LRTM1: variants seen among roughly 807,000 people sequenced by gnomAD.
LRTM1 encodes leucine-rich repeat and transmembrane domain-containing protein 1.
A neutral mutation model predicts 32.4 loss-of-function variants in LRTM1; 38 were observed. That is an observed-to-expected ratio of 1.17 (90% CI 0.91 to 1.54). The LOEUF (loss-of-function observed/expected upper bound fraction) is 1.54, where lower values mean the gene tolerates loss of function less well. Ranked by LOEUF, LRTM1 falls within the 40% of genes most tolerant of loss-of-function variation. LRTM1 has a pLI of 0.00. For missense variants in LRTM1, 466 were observed against 415.4 expected, an observed-to-expected ratio of 1.12 and a Z score of -1.06; for synonymous variants, 186 against 169.9, an observed-to-expected ratio of 1.09 and a Z score of -0.74.
chr3:54,957,983 A>G (rs1247913788), intron 1 of LRTM1, among the ~76,000 whole-genome samples: 1 of 152,142 alleles, frequency 6.6e-6, no homozygotes, highest in Non-Finnish European at 1.5e-5. Context: ...ATGTCTGGAG[A>G]GAGCAAACTC....
rs141675443 is a variant in LRTM1 at position 54,926,985 on chromosome 3, T to G, written c.7+920A>C. Among the ~76,000 whole-genome samples, 10 of 152,336 alleles carry G rather than the reference T, an allele frequency of 6.6e-5. No homozygotes were observed. The East Asian group carries it at 1.4e-3, about 21-fold the overall frequency. On this transcript the variant is annotated intron_variant, in intron 1 of 2. Coordinates refer to ENST00000273286, the MANE Select transcript of LRTM1 (RefSeq NM_020678.4). ...CTTCTTTTTTTTTGAGACTTGAATTTCAAAATATGACAAACATCTGCCAAG... is the reference window on the plus strand; with the variant it reads ...CTTCTTTTTTTTTGAGACTTGAATTGCAAAATATGACAAACATCTGCCAAG...
intron 1 of LRTM1, among the ~76,000 whole-genome samples, chr3:54,935,868 A>G (rs1701316361): frequency 6.6e-6 from 1 of 152,176 alleles, no homozygotes; most frequent in South Asian, 2.1e-4. Context: ...AATGCTCTGG[A>G]AAACAGTTAG....
chr3:54,937,385 T>C (rs1268626098), intron 1 of LRTM1, among the ~76,000 whole-genome samples: 2 of 152,168 alleles, frequency 1.3e-5, no homozygotes, highest in Non-Finnish European at 2.9e-5. Flanking sequence ...ATGAGGGGGA[T>C]TGGTTCCAGC....
rs116885099 is a variant in LRTM1, at chr3:54,937,729, G to T, written c.-221-12514C>A. On this transcript the variant is annotated intron_variant, in intron 1 of 2. Transcript: ENST00000493075. ...CCAGAATTTACCACAGAGAGGGGAA[G>T]AGACGAGGGCCATTCCAGGTAAAGG... Among the ~76,000 whole-genome samples, 29 of 152,266 alleles carry T rather than the reference G, an allele frequency of 1.9e-4. No individual in the cohort carries two copies. In the East Asian group the frequency reaches 5.6e-3, roughly 29 times the overall value.
intron 1 of LRTM1, among the ~76,000 whole-genome samples, chr3:54,941,849 C>A (rs1701475746): frequency 6.6e-6 from 1 of 152,104 alleles, no homozygotes; most frequent in African/African-American, 2.4e-5. Flanking sequence ...CTCCTCCCTG[C>A]CACACAGTTC....
intron 2 of LRTM1, 106 bp from the exon 3 acceptor site, chr3:54,918,998 T>A (rs1180143331): frequency 8.6e-6 from 5 of 583,274 alleles, no homozygotes; most frequent in Non-Finnish European, 6.6e-6. Flanking sequence ...GAAGTACCTT[T>A]TTTTTTTTTA....
chr3:54,943,777 T>G (rs1465930341), intron 1 of LRTM1, among the ~76,000 whole-genome samples: 1 of 152,136 alleles, frequency 6.6e-6, no homozygotes, highest in Non-Finnish European at 1.5e-5. Context: ...CAGTCCGGAC[T>G]AATAGCTCTC....
chr3:54,933,747 G>T lies in LRTM1; in HGVS notation c.-221-8532C>A, dbSNP rs565769064. On this transcript the variant is annotated intron_variant, in intron 1 of 2. Transcript: ENST00000493075. ...ATTAAGTAAATATTGAATGAATAAA[G>T]ATATTACTATTACTTTTTTTTTTTT... Among the ~76,000 whole-genome samples the T allele has an allele frequency of 1.2e-4, 18 of 146,420 alleles. 1 individual carries two copies. The East Asian group carries it at 1.9e-3, about 15-fold the overall frequency.
chr3:54,943,910 C>T (rs138794157), intron 1 of LRTM1, among the ~76,000 whole-genome samples: 21 of 152,272 alleles, frequency 1.4e-4, no homozygotes, highest in African/African-American at 4.8e-4. Context: ...AGGTGATGAA[C>T]ATTTTCCAGT....
chr3:54,939,281 GA>G (rs1230015119), intron 1 of LRTM1, among the ~76,000 whole-genome samples: 1 of 152,306 alleles, frequency 6.6e-6, no homozygotes, highest in East Asian at 1.9e-4. Context: ...TTACTAAAGA[GA>G]AAATTGAAAC....
chr3:54,948,107 C>T (rs955121387), intron 1 of LRTM1, among the ~76,000 whole-genome samples: 2 of 152,212 alleles, frequency 1.3e-5, no homozygotes, highest in Non-Finnish European at 2.9e-5. Flanking sequence ...CAAGTGCTCT[C>T]GACCTTCCTA....
intron 2 of LRTM1, among the ~76,000 whole-genome samples, chr3:54,922,904 C>T (rs891308796): frequency 6.6e-6 from 1 of 152,276 alleles, no homozygotes; most frequent in East Asian, 1.9e-4. Context: ...TCAAAATAGA[C>T]TTTCCCATAA....
At chr3:54,948,138 A>G (rs1006565050) in intron 1 of LRTM1, among the ~76,000 whole-genome samples, 1 of 152,146 alleles carries the variant, frequency 6.6e-6, no homozygotes. Flanking sequence ...TTACAATGAC[A>G]TTCTATTTCT....
intron 1 of LRTM1, among the ~76,000 whole-genome samples, chr3:54,939,772 C>T (rs1435156066): frequency 6.6e-6 from 1 of 152,238 alleles, no homozygotes; most frequent in Non-Finnish European, 1.5e-5. Context: ...GATCTATAGA[C>T]CAGTAGCGGG....
At chr3:54,945,905 G>C (rs943206492) in intron 1 of LRTM1, among the ~76,000 whole-genome samples, 1 of 152,178 alleles carries the variant, frequency 6.6e-6, no homozygotes, top group South Asian at 2.1e-4. Flanking sequence ...TGGATGGCGG[G>C]GGCCATCCTC....
In LRTM1 at chr3:54,918,332, C is replaced by CTTTTT. The variant is rs533596688; in HGVS notation, c.*122_*126dup. The CTTTTT allele has an allele frequency of 0.016, 3,626 of 227,986 alleles. 1,013 individuals are homozygous for CTTTTT. Among genetic ancestry groups the CTTTTT allele is most frequent in the South Asian group, 0.026 (454 of 17,328 alleles). The allele number at this position is 227,986 out of a possible 1,614,324, so 14.1% of individuals were successfully genotyped here. On this transcript the variant is annotated 3_prime_UTR_variant, in exon 3 of 3. Transcript: ENST00000273286. ...TTTTACAGACACATCTTTTTTTTTT[C>CTTTTT]TTTTTTTTTTTTTTTTTTTTTTTGT...
At chr3:54,964,899 C>G (rs934287870) in intron 1 of LRTM1, among the ~76,000 whole-genome samples, 1 of 151,864 alleles carries the variant, frequency 6.6e-6, no homozygotes, top group South Asian at 2.1e-4. Flanking sequence ...CCGTTACTCT[C>G]GATCCCTTAC....
At chr3:54,919,982 G>C (rs1323399028) in intron 2 of LRTM1, among the ~76,000 whole-genome samples, 1 of 152,126 alleles carries the variant, frequency 6.6e-6, no homozygotes, top group Non-Finnish European at 1.5e-5. Flanking sequence ...GGCACTGTCT[G>C]CTAGGAAGCC....
chr3:54,921,346 G>C (rs1700843960), intron 2 of LRTM1, among the ~76,000 whole-genome samples: 2 of 152,114 alleles, frequency 1.3e-5, no homozygotes, highest in Non-Finnish European at 2.9e-5. Context: ...AGATTGCTCT[G>C]AGGACTCAGT....
Sources: allele counts gnomAD v4.1 joint callset (sites outside exome capture counted in the v4.1 genomes callset), GRCh38; gene constraint gnomAD v4.1.1; transcripts MANE v1.5; gene names NCBI Gene and HGNC (gene_info 2026-07-23, HGNC 2026-07-21).